Variants in STN1 observed in about 807,000 individuals in gnomAD.
The protein encoded by STN1 is CST complex subunit STN1.
STN1 carries 29 observed loss-of-function variants against 45.5 expected under a neutral mutation model. The ratio of observed to expected loss-of-function variants is 0.64; its 90% CI spans 0.47 to 0.87. STN1 has a LOEUF of 0.87. Among genes scored for constraint, STN1 ranks in the 40% least tolerant of loss-of-function variants. STN1 has a pLI of 0.00. For missense variants in STN1, 376 were observed against 441.4 expected, an observed-to-expected ratio of 0.85 and a Z score of 1.33; for synonymous variants, 148 against 159.0, an observed-to-expected ratio of 0.93 and a Z score of 0.52.
intron 7 of STN1, 59 bp from the exon 8 acceptor site, chr10:103,892,311 GAAC>G: frequency 6.7e-7 from 1 of 1,492,842 alleles, no homozygotes; most frequent in Non-Finnish European, 9.0e-7. Context: ...CGGCACCTGA[GAAC>G]AACTCCTAGA....
rs139407317 is a variant in STN1 at position 103,897,926 on chromosome 10, A to C, written c.582-207T>G. On this transcript the variant is annotated intron_variant, in intron 6 of 9. Transcript: ENST00000224950. ...GGAACTAAGATATTCATGACAGATT[A>C]GGAGAAAAAAGTCAAACTGCAGAAC... Among the ~76,000 whole-genome samples, 201 of 152,342 alleles carry C rather than the reference A, an allele frequency of 1.3e-3. No homozygotes were observed. In the Middle Eastern group the frequency reaches 0.014, roughly 10 times the overall value.
rs1222626351 is a variant in STN1, at chr10:103,910,618, T to C, written c.138A>G (p.Val46=). The part of the protein sequence containing the change: ...DMKESRQVPG[V]FLYNGHPIKQ... ...TTATTGGATGTCCATTGTACAAAAA[T>C]ACACCTAAAATTTAAAAAAAGCAAA... The change falls in exon 3 of 10, where the codon GTA becomes GTG. Residue 46 remains valine (V), a synonymous_variant. Coordinates refer to ENST00000224950, the MANE Select transcript of STN1 (RefSeq NM_024928.5). 5 of 1,593,410 alleles carry C rather than the reference T, an allele frequency of 3.1e-6. No individual in the cohort carries two copies. Among genetic ancestry groups the C allele is most frequent in the Non-Finnish European group, 4.3e-6 (5 of 1,163,190 alleles).
At chr10:103,884,021 C>T (rs1843087920) in intron 9 of STN1, among the ~76,000 whole-genome samples, 1 of 132,728 alleles carries the variant, frequency 7.5e-6, no homozygotes, top group Non-Finnish European at 1.5e-5. Context: ...ACCCAGGAAG[C>T]AGAGGTTGCA....
At chr10:103,899,478 T>C (rs1035521584) in intron 5 of STN1, among the ~76,000 whole-genome samples, 1 of 152,168 alleles carries the variant, frequency 6.6e-6, no homozygotes, top group African/African-American at 2.4e-5. Flanking sequence ...GCGGATCTCT[T>C]GAGCTCAGAA....
intron 9 of STN1, among the ~76,000 whole-genome samples, chr10:103,887,162 A>G (rs1843108778): frequency 6.6e-6 from 1 of 152,226 alleles, no homozygotes; most frequent in Non-Finnish European, 1.5e-5. Context: ...ATATTTACCT[A>G]TACATGTAAC....
rs1564635041 is a variant in STN1 at position 103,909,436 on chromosome 10, A to ATATATGTATATATATGTG, written c.229+1090_229+1091insCACATATATATACATATA. ...TATATGTATATATGTATATATATGT[A>ATATATGTATATATATGTG]TATATATGTATATATGTATATATGT... On this transcript the variant is annotated intron_variant, in intron 3 of 9. Transcript: ENST00000224950. 1.2e-3 allele frequency among the ~76,000 whole-genome samples: 58 copies of ATATATGTATATATATGTG among 49,766 alleles called. 2 individuals carry two copies. The highest frequency in any genetic ancestry group is 3.1e-3 in the African/African-American group (39 of 12,626). 32.6% of individuals were successfully genotyped at this position (49,766 alleles called of 152,430 possible).
intron 2 of STN1, among the ~76,000 whole-genome samples, chr10:103,911,495 A>G (rs1266768150): frequency 6.6e-6 from 1 of 152,046 alleles, no homozygotes. Flanking sequence ...CATGACGGCT[A>G]AATTCTTTAC....
chr10:103,893,148 C>T lies in STN1; in HGVS notation c.754-896G>A, dbSNP rs116235603. Among the ~76,000 whole-genome samples, 454 of 152,082 alleles carry T rather than the reference C, an allele frequency of 3.0e-3. 3 individuals carry two copies. The highest frequency in any genetic ancestry group is 9.5e-3 in the African/African-American group (392 of 41,444). On this transcript the variant is annotated intron_variant, in intron 7 of 9. Transcript: ENST00000224950. ...CTCCTTCCTAAAACAAAGAAAAGGG[C>T]GAACAACAATTGCTCTTCAAAGTAC...
chr10:103,889,022 G>A (rs745390387), intron 9 of STN1, 50 bp downstream of exon 9: 2 of 1,299,788 alleles, frequency 1.5e-6, no homozygotes, highest in South Asian at 2.4e-5. Flanking sequence ...CCGGGAGACA[G>A]TATCCCCTTC....
At chr10:103,890,868 G>T (rs11191847) in intron 8 of STN1, among the ~76,000 whole-genome samples, 1 of 152,062 alleles carries the variant, frequency 6.6e-6, no homozygotes, top group African/African-American at 2.4e-5. Context: ...CACAGAATTT[G>T]ATCAGTCTCT....
chr10:103,911,569 T>C (rs1313200655), intron 2 of STN1, among the ~76,000 whole-genome samples: 1 of 152,178 alleles, frequency 6.6e-6, no homozygotes, highest in Non-Finnish European at 1.5e-5. Context: ...AAATTAGACA[T>C]GGGCATCTCA....
intron 8 of STN1, 31 bp from the exon 9 acceptor site, chr10:103,889,175 T>A: frequency 1.4e-6 from 2 of 1,409,368 alleles, no homozygotes; most frequent in Non-Finnish European, 2.0e-6. Flanking sequence ...AGAGAGAGAG[T>A]GTTCTTAGGT....
chr10:103,906,030 G>A (rs1041657345), intron 3 of STN1, among the ~76,000 whole-genome samples: 11 of 152,148 alleles, frequency 7.2e-5, no homozygotes, highest in African/African-American at 2.4e-4. Flanking sequence ...CTAGACTGTT[G>A]TAAAAGCACA....
At chr10:103,911,315 C>A (rs1246509959) in intron 2 of STN1, among the ~76,000 whole-genome samples, 1 of 152,108 alleles carries the variant, frequency 6.6e-6, no homozygotes, top group Admixed American at 6.5e-5. Flanking sequence ...AGCAGGGAGT[C>A]CCTGATGGTC....
At chr10:103,894,133 G>C (rs1238295550) in intron 7 of STN1, among the ~76,000 whole-genome samples, 3 of 152,148 alleles carry the variant, frequency 2.0e-5, no homozygotes, top group Non-Finnish European at 2.9e-5. Context: ...GTGCAACATA[G>C]ACTCCTTTGC....
intron 1 of STN1, 95 bp from the exon 2 acceptor site, chr10:103,917,751 A>G (rs1843344034): frequency 1.4e-6 from 1 of 707,074 alleles, no homozygotes; most frequent in African/African-American, 1.8e-5. Flanking sequence ...CCAGGACTCC[A>G]GGAGGGGTGA....
Position 103,905,190 on chromosome 10 carries a change from T to C in STN1, c.230-34A>G, listed in dbSNP as rs372256837. The C allele has an allele frequency of 4.4e-6, 7 of 1,588,472 alleles. No individual in the cohort carries two copies. In the African/African-American group the frequency reaches 8.1e-5, roughly 18 times the overall value. On this transcript the variant is annotated intron_variant, in intron 3 of 9. Transcript: ENST00000224950. ...GAAAAGCAAAAGGGTATAAGAGAGATTTGGGCAAGGCTGGTGAATTAGCAT... is the reference window on the plus strand; with the variant it reads ...GAAAAGCAAAAGGGTATAAGAGAGACTTGGGCAAGGCTGGTGAATTAGCAT...
In STN1 at chr10:103,909,543, CAT is replaced by C. The variant is rs200910801; in HGVS notation, c.229+982_229+983del. 3.7e-3 allele frequency among the ~76,000 whole-genome samples: 469 copies of C among 125,114 alleles called. 12 individuals are homozygous for C. The highest frequency in any genetic ancestry group is 0.012 in the African/African-American group (417 of 33,722). The allele number at this position is 125,114 out of a possible 152,430, so 82.1% of individuals were successfully genotyped here. A position where few individuals can be genotyped will look rare whatever the true frequency, so the allele number is the denominator to read the frequency against. Reference sequence around the variant, plus strand: ...GTATATATATGTACATATATATGTACATATATATATGCTGAGAAAAAGCAGAA... The same window carrying C: ...GTATATATATGTACATATATATGTACATATATATGCTGAGAAAAAGCAGAA... On this transcript the variant is annotated intron_variant, in intron 3 of 9. Coordinates refer to ENST00000224950, the MANE Select transcript of STN1 (RefSeq NM_024928.5).
intron 3 of STN1, among the ~76,000 whole-genome samples, chr10:103,905,747 C>G (rs572279192): frequency 1.3e-5 from 2 of 152,300 alleles, no homozygotes; most frequent in South Asian, 4.1e-4. Context: ...AAGCACATCA[C>G]AGAAGGGCAC....
Sources: gnomAD v4.1 joint callset for allele counts (sites outside exome capture counted in the v4.1 genomes callset) on GRCh38, gnomAD v4.1.1 for gene constraint, MANE v1.5 for transcripts, NCBI Gene and HGNC (gene_info 2026-07-23, HGNC 2026-07-21) for gene names.